Variants in SENP6 observed in about 807,000 individuals in gnomAD.
The protein encoded by SENP6 is sentrin-specific protease 6.
In SENP6, 41 loss-of-function variants were observed where a neutral mutation model predicts 134.5. The ratio of observed to expected loss-of-function variants is 0.30; its 90% CI spans 0.24 to 0.40. SENP6 has a LOEUF of 0.40. SENP6 is among the 10% of genes least tolerant of loss of function. The pLI, the probability that SENP6 is intolerant of heterozygous loss-of-function variation, is 1.00. For missense variants in SENP6, 1,248 were observed against 1,312.5 expected (o/e 0.95, Z 0.76); for synonymous variants, 395 against 429.8 (o/e 0.92, Z 1.00).
At chr6:75,667,626 G>C (rs1029267054) in intron 10 of SENP6, among the ~76,000 whole-genome samples, 1 of 152,172 alleles carries the variant, frequency 6.6e-6, no homozygotes, top group Admixed American at 6.5e-5. Flanking sequence ...CCAATTTGCT[G>C]ATGGAAAAGA....
rs757872641 is a variant in SENP6, at chr6:75,666,925, C to G, written c.1208C>G (p.Ala403Gly). 1.3e-6 allele frequency: 2 copies of G among 1,597,924 alleles called. No homozygotes were observed. Among genetic ancestry groups the G allele is most frequent in the South Asian group, 2.2e-5 (2 of 89,580 alleles). The part of the protein sequence containing the change: ...ELNTVTLPRK[A>G]RMKDQFGNSI... ...AATACAGTTACATTGCCAAGAAAAG[C>G]AAGAATGAAAGACCAGGTACTTTTC... Residue 403 changes from alanine (A) to glycine (G), a missense_variant, in exon 10 of 24, where the codon GCA (alanine) becomes GGA (glycine). Physicochemically the swap from Ala to Gly is moderately conservative, Grantham distance 60. Coordinates refer to ENST00000447266, the MANE Select transcript of SENP6 (RefSeq NM_015571.4).
chr6:75,632,560 T>C (rs1769192461), intron 3 of SENP6, among the ~76,000 whole-genome samples: 1 of 152,228 alleles, frequency 6.6e-6, no homozygotes, highest in Non-Finnish European at 1.5e-5. Flanking sequence ...ATAATGTTTA[T>C]AGTTGCAGGT....
At chr6:75,642,291 G>A (rs1770089683) in intron 6 of SENP6, among the ~76,000 whole-genome samples, 1 of 152,210 alleles carries the variant, frequency 6.6e-6, no homozygotes, top group African/African-American at 2.4e-5. Flanking sequence ...TACTGAACAA[G>A]TAAAACATGA....
At position 75,670,817 on chromosome 6, in the gene SENP6, A is replaced by G. The variant is rs1772615398; in HGVS notation, c.1392+97A>G. The G allele has an allele frequency of 9.8e-6, 5 of 512,170 alleles. No homozygotes were observed. The East Asian group carries it at 1.5e-4, about 15-fold the overall frequency. 31.7% of individuals were successfully genotyped at this position (512,170 alleles called of 1,614,324 possible). A position where few individuals can be genotyped will look rare whatever the true frequency, so the allele number is the denominator to read the frequency against. On this transcript the variant is annotated intron_variant, in intron 11 of 23. Coordinates refer to ENST00000447266, the MANE Select transcript of SENP6 (RefSeq NM_015571.4). ...ATATTTAAAATTTATAAGTTAAAAT[A>G]TTTAATAGAATATCAGTTAGTTCAA...
chr6:75,671,738 G>A (rs1772693661), intron 11 of SENP6, among the ~76,000 whole-genome samples: 1 of 151,932 alleles, frequency 6.6e-6, no homozygotes, highest in Non-Finnish European at 1.5e-5. Context: ...CAGAAAAAAA[G>A]AAAGAATTAT....
chr6:75,637,384 A>G (rs1038146685), intron 5 of SENP6, among the ~76,000 whole-genome samples: 21 of 152,288 alleles, frequency 1.4e-4, no homozygotes, highest in African/African-American at 4.6e-4. Context: ...TTAAAATACC[A>G]CATTAGATTA....
chr6:75,695,616 A>C (rs1388104563), intron 16 of SENP6, among the ~76,000 whole-genome samples, 188 bp from the exon 17 acceptor site: 1 of 152,186 alleles, frequency 6.6e-6, no homozygotes, highest in Admixed American at 6.5e-5. Flanking sequence ...GTGTGCCTGT[A>C]ATCCCAGCTA....
intron 1 of SENP6, among the ~76,000 whole-genome samples, chr6:75,618,103 G>C (rs1052083656): frequency 6.6e-6 from 1 of 152,098 alleles, no homozygotes; most frequent in Non-Finnish European, 1.5e-5. Flanking sequence ...TTGTCAGTTT[G>C]TTTTTCCTCC....
At chr6:75,679,171 T>G (rs1157391959) in intron 16 of SENP6, 3 of 320,928 alleles carry the variant, frequency 9.3e-6, no homozygotes, top group African/African-American at 6.7e-5. Context: ...CCTGACACTT[T>G]GGGAGGTCAA....
intron 16 of SENP6, among the ~76,000 whole-genome samples, chr6:75,686,724 C>T (rs908537921): frequency 5.3e-5 from 8 of 152,110 alleles, no homozygotes; most frequent in African/African-American, 1.9e-4. Context: ...GAATATTGGC[C>T]CCCACTCTCT....
At chr6:75,666,154 T>TATATGATATATATAAAAC (rs1562024489) in intron 9 of SENP6, among the ~76,000 whole-genome samples, 1 of 54,378 alleles carries the variant, frequency 1.8e-5, no homozygotes, top group East Asian at 1.0e-3. Context: ...ATATAAAACA[T>TATATGATATATATAAAAC]ATATGATATA....
At chr6:75,608,466 A>G (rs1767192106) in intron 1 of SENP6, among the ~76,000 whole-genome samples, 1 of 151,942 alleles carries the variant, frequency 6.6e-6, no homozygotes, top group African/African-American at 2.4e-5. Context: ...GAAAGAAAAA[A>G]GAGAGGGAGG....
At chr6:75,714,326 G>A (rs1274923057) in intron 23 of SENP6, among the ~76,000 whole-genome samples, 1 of 152,152 alleles carries the variant, frequency 6.6e-6, no homozygotes, top group Non-Finnish European at 1.5e-5. Context: ...CAGAGGTACA[G>A]TACCACACAT....
chr6:75,695,349 C>T (rs141964853), intron 16 of SENP6, among the ~76,000 whole-genome samples: 2 of 152,254 alleles, frequency 1.3e-5, no homozygotes, highest in East Asian at 1.9e-4. Flanking sequence ...TGAAGATAAT[C>T]GGATAGTTAT....
chr6:75,650,619 A>T (rs1770792514), intron 7 of SENP6, among the ~76,000 whole-genome samples: 2 of 152,222 alleles, frequency 1.3e-5, no homozygotes, highest in Non-Finnish European at 2.9e-5. Flanking sequence ...TGAGGGTTTT[A>T]TGAGTAATAC....
chr6:75,656,862 A>G (rs950508862), intron 7 of SENP6, among the ~76,000 whole-genome samples: 2 of 152,144 alleles, frequency 1.3e-5, no homozygotes, highest in African/African-American at 2.4e-5. Context: ...TTCTCTACCT[A>G]TTATCAATTA....
At chr6:75,689,782 G>A (rs1774108528) in intron 16 of SENP6, among the ~76,000 whole-genome samples, 1 of 151,268 alleles carries the variant, frequency 6.6e-6, no homozygotes, top group Non-Finnish European at 1.5e-5. Flanking sequence ...TAGCCTAGGT[G>A]TATAGGACAC....
At chr6:75,627,827 C>T (rs1170324839) in intron 3 of SENP6, among the ~76,000 whole-genome samples, 2 of 152,054 alleles carry the variant, frequency 1.3e-5, no homozygotes, top group Non-Finnish European at 2.9e-5. Context: ...AGGCATGGTG[C>T]CACCACGCCC....
chr6:75,651,712 G>C (rs1185576626), intron 7 of SENP6, among the ~76,000 whole-genome samples: 1 of 152,060 alleles, frequency 6.6e-6, no homozygotes, highest in Non-Finnish European at 1.5e-5. Flanking sequence ...TAACTCTCCA[G>C]ATCTTTTCTA....
Sources: allele counts gnomAD v4.1 joint callset (sites outside exome capture counted in the v4.1 genomes callset), GRCh38; gene constraint gnomAD v4.1.1; transcripts MANE v1.5; gene names NCBI Gene and HGNC (gene_info 2026-07-23, HGNC 2026-07-21).